Variants in PHC2 observed in about 807,000 individuals in gnomAD.
PHC2 encodes polyhomeotic homolog 2, also known as polyhomeotic-like protein 2.
PHC2 carries 29 observed loss-of-function variants against 87.4 expected under a neutral mutation model. The observed-to-expected ratio is 0.33, with a 90% CI of 0.25 to 0.45. The LOEUF (loss-of-function observed/expected upper bound fraction) is 0.45, where lower values mean the gene tolerates loss of function less well. Among genes scored for constraint, PHC2 ranks in the 20% least tolerant of loss-of-function variants. PHC2 has a pLI of 1.00. For missense variants in PHC2, 857 were observed against 1,136.7 expected (o/e 0.75, Z 3.54); for synonymous variants, 438 against 461.7 (o/e 0.95, Z 0.66).
chr1:33,331,128 G>A lies in PHC2; in HGVS notation c.2006+220C>T, dbSNP rs1039358832. 1.3e-5 allele frequency among the ~76,000 whole-genome samples: 2 copies of A among 152,200 alleles called. No homozygotes were observed. The highest frequency in any genetic ancestry group is 4.8e-5 in the African/African-American group (2 of 41,452). ...AGGGCCAGCCGAGCCAAAGCACTGC[G>A]GCTTTTCCTTGGACTCCCGCTGCTC... is the stretch of plus-strand genomic sequence containing the variant. On this transcript the variant is annotated intron_variant, in intron 12 of 14. Coordinates refer to ENST00000683057, the MANE Select transcript of PHC2 (RefSeq NM_001385109.1). This position sits in a 1 kb window ranked among gnomAD's most constrained non-coding sequence, Gnocchi z 5.2.
At chr1:33,408,473 T>C (rs897753885) in intron 1 of PHC2, among the ~76,000 whole-genome samples, 1 of 151,298 alleles carries the variant, frequency 6.6e-6, no homozygotes, top group African/African-American at 2.4e-5. Flanking sequence ...TGTTTGTTTT[T>C]GTTTTGAGAT....
chr1:33,429,811 G>A (rs1378312458), intron 1 of PHC2, among the ~76,000 whole-genome samples: 1 of 152,176 alleles, frequency 6.6e-6, no homozygotes, highest in Non-Finnish European at 1.5e-5. Context: ...AAATCAAATT[G>A]GTTTCTGGTA....
chr1:33,373,523 A>T (rs1438185417), intron 2 of PHC2, among the ~76,000 whole-genome samples: 1 of 150,958 alleles, frequency 6.6e-6, no homozygotes, highest in East Asian at 2.0e-4. Flanking sequence ...TCCTGATGGG[A>T]TTGGCCAATC....
At chr1:33,333,535 A>G (rs1646552758) in intron 10 of PHC2, 1 of 160,048 alleles carries the variant, frequency 6.2e-6, no homozygotes, top group Non-Finnish European at 1.4e-5. Context: ...TGTTAGTCTT[A>G]GGCTTCCATC....
At chr1:33,335,507 G>T in intron 9 of PHC2, 2 of 180,184 alleles carry the variant, frequency 1.1e-5, no homozygotes, top group Non-Finnish European at 2.1e-5. Flanking sequence ...ATATGAAGAT[G>T]CTCATATTTC....
chr1:33,327,759 G>A (rs1341499298), intron 14 of PHC2, among the ~76,000 whole-genome samples: 1 of 152,120 alleles, frequency 6.6e-6, no homozygotes, highest in Non-Finnish European at 1.5e-5. Context: ...CAAGAACCAA[G>A]GCCTCTTGCC....
In PHC2 at chr1:33,364,015, C is replaced by T. The variant is rs966684445; in HGVS notation, c.976+3101G>A. 1 of 473,250 alleles carries T rather than the reference C, an allele frequency of 2.1e-6. No individual in the cohort carries two copies. Among genetic ancestry groups the T allele is most frequent in the African/African-American group, 2.1e-5 (1 of 47,550 alleles). The allele number at this position is 473,250 out of a possible 1,614,324, so 29.3% of individuals were successfully genotyped here. A position where few individuals can be genotyped will look rare whatever the true frequency, so the allele number is the denominator to read the frequency against. ...TACTCCCCTCCCCCACCTGCTCCCC[C>T]ACCCCTATTCTCGGCATAAGGGACC... On this transcript the variant is annotated intron_variant, in intron 7 of 14. Transcript: ENST00000683057. This position sits in a 1 kb window ranked among gnomAD's most constrained non-coding sequence, Gnocchi z 4.1.
intron 1 of PHC2, among the ~76,000 whole-genome samples, chr1:33,420,716 C>T (rs1570516414): frequency 6.6e-6 from 1 of 151,870 alleles, no homozygotes; most frequent in East Asian, 1.9e-4. Flanking sequence ...CTCAAGTGAT[C>T]CTCCCACCTC....
chr1:33,343,819 G>A (rs1012299841), intron 9 of PHC2, among the ~76,000 whole-genome samples: 7 of 152,166 alleles, frequency 4.6e-5, no homozygotes, highest in African/African-American at 7.2e-5. Context: ...GGTCTACGTC[G>A]GTAGTCCTGT....
At chr1:33,418,660 T>C (rs1650304220) in intron 1 of PHC2, among the ~76,000 whole-genome samples, 1 of 152,032 alleles carries the variant, frequency 6.6e-6, no homozygotes, top group Non-Finnish European at 1.5e-5. Context: ...TTCCATTAAA[T>C]ATTCAAAAAA....
At chr1:33,385,879 C>T (rs1648719594) in intron 1 of PHC2, among the ~76,000 whole-genome samples, 1 of 151,942 alleles carries the variant, frequency 6.6e-6, no homozygotes, top group Non-Finnish European at 1.5e-5. Context: ...TCACTGCAAC[C>T]TCTGTCTCCC....
At chr1:33,326,675 C>T (rs1025990521) in intron 14 of PHC2, among the ~76,000 whole-genome samples, 11 of 152,126 alleles carry the variant, frequency 7.2e-5, no homozygotes, top group South Asian at 2.1e-4. Flanking sequence ...AAAGGTAGGC[C>T]GGGCGCAGTG....
intron 1 of PHC2, among the ~76,000 whole-genome samples, chr1:33,423,846 C>T (rs780540358): frequency 6.6e-6 from 1 of 151,990 alleles, no homozygotes; most frequent in Non-Finnish European, 1.5e-5. Flanking sequence ...TGCCTGTAAT[C>T]CCAGCACTAT....
rs75233253 is a variant in PHC2, at chr1:33,364,977, C to T, written c.976+2139G>A. On this transcript the variant is annotated intron_variant, in intron 7 of 14. Transcript: ENST00000683057. This position sits in a 1 kb window ranked among gnomAD's most constrained non-coding sequence, Gnocchi z 4.1. The stretch of plus-strand genomic sequence containing the variant: ...TAGGCTTAGACCCCCCAGATACTTT[C>T]AGCTTTGGGTCAGAAACAGGAAAGG... 0.017 allele frequency among the ~76,000 whole-genome samples: 2,641 copies of T among 152,318 alleles called. 70 individuals are homozygous for T. The highest frequency in any genetic ancestry group is 0.06 in the African/African-American group (2,476 of 41,562).
chr1:33,371,425 CAGCCACCACCATCACACCT>C (rs1647830002), intron 3 of PHC2, among the ~76,000 whole-genome samples: 1 of 151,892 alleles, frequency 6.6e-6, no homozygotes, highest in Admixed American at 6.6e-5. Flanking sequence ...CCATCACACC[CAGCCACCACCATCACACCT>C]GGCCACCACC....
intron 1 of PHC2, among the ~76,000 whole-genome samples, chr1:33,391,222 A>C (rs895406959): frequency 6.6e-6 from 1 of 152,224 alleles, no homozygotes; most frequent in African/African-American, 2.4e-5. Context: ...CCACACTTTG[A>C]GAACCACTGT....
In PHC2 at chr1:33,370,594, A is replaced by G. The variant is rs1647764501; in HGVS notation, c.412-9T>C. 6.2e-7 allele frequency: 1 copy of G among 1,609,910 alleles called. No homozygotes were observed. The highest frequency in any genetic ancestry group is 2.2e-5 in the East Asian group (1 of 44,718). ...GAGGCTGCCAGGTTGATCTAATGAG[A>G]GAGACATGTGCGGTAGGAGATAGGA... On this transcript the variant is annotated splice_polypyrimidine_tract_variant and intron_variant, in intron 4 of 14. Transcript: ENST00000683057.
chr1:33,402,163 T>G (rs1344638167), intron 1 of PHC2, among the ~76,000 whole-genome samples: 1 of 152,190 alleles, frequency 6.6e-6, no homozygotes, highest in Non-Finnish European at 1.5e-5. Flanking sequence ...TTGAATTTTC[T>G]ACATGGCCAA....
Position 33,324,598 on chromosome 1 carries a change from A to G in PHC2, c.*267T>C, listed in dbSNP as rs1646331589. The G allele has an allele frequency of 2.7e-6, 1 of 370,638 alleles. No individual in the cohort carries two copies. The highest frequency in any genetic ancestry group is 2.1e-5 in the African/African-American group (1 of 48,574). 23.0% of individuals were successfully genotyped at this position (370,638 alleles called of 1,614,324 possible). A position where few individuals can be genotyped will look rare whatever the true frequency, so the allele number is the denominator to read the frequency against. On this transcript the variant is annotated 3_prime_UTR_variant, in exon 15 of 15. Transcript: ENST00000683057. ...GAGGGGAAGAGAGCGGGGCTAGAGTATTGGGACTTTGGAGGAAGCCAGTGC... is the reference window on the plus strand; with the variant it reads ...GAGGGGAAGAGAGCGGGGCTAGAGTGTTGGGACTTTGGAGGAAGCCAGTGC...
Sources: allele counts gnomAD v4.1 joint callset (sites outside exome capture counted in the v4.1 genomes callset), GRCh38; gene constraint gnomAD v4.1.1; non-coding constraint Gnocchi (gnomAD v3.1); transcripts MANE v1.5; gene names NCBI Gene and HGNC (gene_info 2026-07-23, HGNC 2026-07-21).